Variants in ATP11C observed in about 807,000 individuals in gnomAD.
The protein encoded by ATP11C is ATPase phospholipid transporting 11C (ATP11C blood group), also known as phospholipid-transporting ATPase IG.
A neutral mutation model predicts 97.4 loss-of-function variants in ATP11C; 36 were observed. The ratio of observed to expected loss-of-function variants is 0.37; its 90% confidence interval spans 0.28 to 0.49. The LOEUF (loss-of-function observed/expected upper bound fraction) is 0.49, where lower values mean the gene tolerates loss of function less well. ATP11C is among the 20% of genes least tolerant of loss of function. The pLI is 0.98. For synonymous variants in ATP11C, 275 were observed against 290.9 expected (o/e 0.95, Z 0.56); for missense variants, 730 against 824.6 (o/e 0.89, Z 1.40).
Position 139,750,093 on chromosome X carries a change from G to A in ATP11C, c.2760C>T (p.Ile920=), listed in dbSNP as rs138867304. 3.2e-5 allele frequency: 38 copies of A among 1,201,008 alleles called. No individual in the cohort carries two copies. The highest frequency in any genetic ancestry group is 3.6e-5 in the Non-Finnish European group (32 of 888,199). Residue 920 remains isoleucine (I), a synonymous_variant, in exon 24 of 30, where the codon ATC becomes ATT. Coordinates refer to ENST00000682941, the MANE Select transcript of ATP11C (RefSeq NM_001353812.2). The part of the protein sequence containing the change: ...MYNICFTSLP[I]LAYSLLEQHI... The stretch of plus-strand genomic sequence containing the variant: ...GCTGTTCCAGTAGACTATAGGCCAG[G>A]ATGGGCAAGGATGTGAAGCAGATAT...
In ATP11C at chrX:139,844,541, T is replaced by A. The variant is rs1314124283; in HGVS notation, c.28-17718A>T. Among the ~76,000 whole-genome samples, 3 of 111,900 alleles carry A rather than the reference T, an allele frequency of 2.7e-5. No individual in the cohort carries two copies. The East Asian group carries it at 8.5e-4, about 32-fold the overall frequency. On this transcript the variant is annotated intron_variant, in intron 1 of 29. Transcript: ENST00000682941. ...ACCCTAACTAAAGAGGAGAAGATGG[T>A]CAGAGCAGCTAACAGCTCTGAACAA...
intron 20 of ATP11C, among the ~76,000 whole-genome samples, chrX:139,764,850 T>C (rs2082104691): frequency 8.9e-6 from 1 of 111,965 alleles, no homozygotes; most frequent in Admixed American, 9.5e-5. Flanking sequence ...TTAAAAACTT[T>C]ACAGAAGACT....
intron 5 of ATP11C, among the ~76,000 whole-genome samples, chrX:139,810,753 C>CA (rs1225042645): frequency 7.2e-5 from 8 of 111,413 alleles, no homozygotes; most frequent in Admixed American, 6.7e-4. Flanking sequence ...CATTGTTCCT[C>CA]ATTCTCTGCC....
intron 5 of ATP11C, among the ~76,000 whole-genome samples, chrX:139,811,786 C>T (rs1357760560): frequency 9.0e-6 from 1 of 110,905 alleles, no homozygotes; most frequent in Non-Finnish European, 1.9e-5. Flanking sequence ...CCTCCTTATG[C>T]CTCGGTTTCA....
chrX:139,864,158 T>C (rs1315551728), intron 1 of ATP11C, among the ~76,000 whole-genome samples: 1 of 112,318 alleles, frequency 8.9e-6, no homozygotes, highest in Non-Finnish European at 1.9e-5. Context: ...TTAAGGATCC[T>C]TCACACCTCT....
intron 18 of ATP11C, among the ~76,000 whole-genome samples, chrX:139,776,452 C>T (rs896846702): frequency 2.1e-4 from 23 of 111,804 alleles, no homozygotes; most frequent in African/African-American, 7.5e-4. Context: ...TGGTCTGCAG[C>T]CACAATGTAA....
chrX:139,858,521 A>T (rs1159432966), intron 1 of ATP11C, among the ~76,000 whole-genome samples: 1 of 112,226 alleles, frequency 8.9e-6, no homozygotes, highest in East Asian at 2.8e-4. Context: ...TCACACCAAA[A>T]AGGTGTATCT....
At chrX:139,767,447 GA>G (rs1208531322) in intron 20 of ATP11C, among the ~76,000 whole-genome samples, 1 of 111,648 alleles carries the variant, frequency 9.0e-6, no homozygotes, top group African/African-American at 3.3e-5. Flanking sequence ...GGGAGCAAGA[GA>G]AAAGTGGCAC....
chrX:139,784,077 C>T (rs896154751), intron 16 of ATP11C, among the ~76,000 whole-genome samples: 2 of 111,722 alleles, frequency 1.8e-5, no homozygotes, highest in Admixed American at 9.5e-5. Context: ...CTTCACACAC[C>T]CAGGAAATAT....
At chrX:139,907,180 T>G (rs2084993801) in intron 1 of ATP11C, among the ~76,000 whole-genome samples, 1 of 111,670 alleles carries the variant, frequency 9.0e-6, no homozygotes, top group Non-Finnish European at 1.9e-5. Context: ...TCCACTGGAT[T>G]GTCCTCCCAA....
At chrX:139,868,824 T>G (rs1291895738) in intron 1 of ATP11C, among the ~76,000 whole-genome samples, 2 of 110,566 alleles carry the variant, frequency 1.8e-5, no homozygotes, top group African/African-American at 6.6e-5. Flanking sequence ...AATAGACACT[T>G]CTCCAAAAAA....
chrX:139,740,542 C>T (rs991929211), intron 27 of ATP11C, among the ~76,000 whole-genome samples: 1 of 111,921 alleles, frequency 8.9e-6, no homozygotes, highest in Non-Finnish European at 1.9e-5. Flanking sequence ...TGTATATATC[C>T]TATACCCTGA....
intron 5 of ATP11C, among the ~76,000 whole-genome samples, chrX:139,810,508 C>G (rs1433978253): frequency 8.9e-6 from 1 of 111,818 alleles, no homozygotes; most frequent in East Asian, 2.8e-4. Context: ...AATTACATAA[C>G]AAACTTCTAA....
chrX:139,933,043 G>C lies in ATP11C; in HGVS notation c.-1001C>G, dbSNP rs1178205407. 2 of 111,998 alleles carry C rather than the reference G, an allele frequency of 1.8e-5. No homozygotes were observed. The highest frequency in any genetic ancestry group is 3.8e-5 in the Non-Finnish European group (2 of 53,113). 9.2% of individuals were successfully genotyped at this position (111,998 alleles called of 1,213,427 possible). On this transcript the variant is annotated 5_prime_UTR_variant, in exon 1 of 30. Coordinates refer to ENST00000682941, the MANE Select transcript of ATP11C (RefSeq NM_001353812.2). ...CACTTTCTCTGAGGTTGTAAAGTCAGGCTTTGTGTCGTTGCTGCTGCGCAG... is the reference window on the plus strand; with the variant it reads ...CACTTTCTCTGAGGTTGTAAAGTCACGCTTTGTGTCGTTGCTGCTGCGCAG...
chrX:139,811,497 C>T (rs948652755), intron 5 of ATP11C, among the ~76,000 whole-genome samples: 2 of 111,290 alleles, frequency 1.8e-5, no homozygotes, highest in East Asian at 5.6e-4. Context: ...CTAGCATTTT[C>T]TTTAATAGCA....
chrX:139,814,777 A>G, intron 5 of ATP11C, 101 bp downstream of exon 5: 1 of 461,689 alleles, frequency 2.2e-6, no homozygotes, highest in Non-Finnish European at 3.5e-6. Flanking sequence ...AGATAGAGTT[A>G]ACGGTTGCAC....
chrX:139,865,345 C>T (rs746452551), intron 1 of ATP11C, among the ~76,000 whole-genome samples: 2 of 111,749 alleles, frequency 1.8e-5, no homozygotes, highest in East Asian at 2.8e-4. Flanking sequence ...TGGGCAATGG[C>T]GTGAGATTCT....
intron 12 of ATP11C, among the ~76,000 whole-genome samples, chrX:139,792,516 G>C (rs904927942): frequency 1.8e-5 from 2 of 110,988 alleles, no homozygotes; most frequent in Non-Finnish European, 3.8e-5. Flanking sequence ...CATCTGAAGT[G>C]GGGGGCAGTC....
At chrX:139,926,265 A>T (rs1418105152) in intron 1 of ATP11C, among the ~76,000 whole-genome samples, 1 of 111,684 alleles carries the variant, frequency 9.0e-6, no homozygotes, top group Non-Finnish European at 1.9e-5. Context: ...TGTATAAAGC[A>T]CTACAGATGT....
Sources: allele counts gnomAD v4.1 joint callset (sites outside exome capture counted in the v4.1 genomes callset), GRCh38; gene constraint gnomAD v4.1.1; transcripts MANE v1.5; gene names NCBI Gene and HGNC (gene_info 2026-07-23, HGNC 2026-07-21).